The following KDM5C variants were observed in gnomAD, a reference collection of about 807,000 sequenced individuals.
KDM5C encodes the protein lysine-specific demethylase 5C.
A neutral mutation model predicts 110.6 loss-of-function variants in KDM5C; 16 were observed. The ratio of observed to expected loss-of-function variants is 0.14; its 90% confidence interval spans 0.10 to 0.22. The LOEUF (loss-of-function observed/expected upper bound fraction) is 0.22. Ranked by LOEUF, KDM5C falls within the 10% of genes least tolerant of loss-of-function variation. The pLI, the probability that KDM5C is intolerant of heterozygous loss-of-function variation, is 1.00. For missense variants in KDM5C, 681 were observed against 1,300.9 expected, an observed-to-expected ratio of 0.52 and a Z score of 7.33; for synonymous variants, 511 against 520.4, an observed-to-expected ratio of 0.98 and a Z score of 0.24.
chrX:53,207,670 C>A (rs781785536), intron 12 of KDM5C, among the ~76,000 whole-genome samples: 2 of 111,728 alleles, frequency 1.8e-5, no homozygotes, highest in Non-Finnish European at 1.9e-5. Context: ...AAAATAGGCC[C>A]GGGCGCGGTG....
chrX:53,192,835 G>T lies in KDM5C; in HGVS notation c.*132C>A, dbSNP rs781910906. 1.8e-6 allele frequency: 2 copies of T among 1,092,715 alleles called. 1 individual carries two copies. Among genetic ancestry groups the T allele is most frequent in the African/African-American group, 3.8e-5 (2 of 52,396 alleles). 90.1% of individuals were successfully genotyped at this position (1,092,715 alleles called of 1,213,427 possible). ...CAGAATACAAAAGTCAAGGGACTCA[G>T]GGGTGGGCGGGTAGCAGGGATGGCC... On this transcript the variant is annotated 3_prime_UTR_variant, in exon 26 of 26. Transcript: ENST00000375401.
At position 53,220,870 on chromosome X, in the gene KDM5C, G is replaced by A. The variant is rs372636870; in HGVS notation, c.197C>T (p.Thr66Ile). The A allele has an allele frequency of 3.3e-6, 4 of 1,209,053 alleles. No individual in the cohort carries two copies. The African/African-American group carries it at 7.0e-5, about 21-fold the overall frequency. ...CTCATTCAGCCTCTGGATTCGGGGG[G>A]TAAACCTGAAGTTGTCCACTTCCAC... Reference protein sequence around the residue: ...FAVEVDNFRFTPRIQRLNELE... With the variant: ...FAVEVDNFRFIPRIQRLNELE... Residue 66 changes from threonine (T) to isoleucine (I), a missense_variant, in exon 2 of 26, where the codon ACC becomes ATC. By Grantham distance (89) the Thr-to-Ile change is moderately conservative. Transcript: ENST00000375401.
At position 53,201,582 on chromosome X, in the gene KDM5C, C is replaced by G; in HGVS notation, c.2029G>C (p.Glu677Gln). The change falls in exon 14 of 26, where the codon GAG (glutamate) becomes CAG (glutamine). Residue 677 changes from glutamate (E) to glutamine (Q), a missense_variant. Transcript: ENST00000375401. ...HKEMFIMVQE[E>Q]RRLRKALLEK... is the part of the protein sequence containing the mutation. ...AGCAGGGCCTTTCGTAGACGCCGCTCTTCTTGCACCATGATGAACATCTCC... is the reference window on the plus strand; with the variant it reads ...AGCAGGGCCTTTCGTAGACGCCGCTGTTCTTGCACCATGATGAACATCTCC... 1 of 1,212,268 alleles carries G rather than the reference C, an allele frequency of 8.2e-7. No individual in the cohort carries two copies. Among genetic ancestry groups the G allele is most frequent in the East Asian group, 3.0e-5 (1 of 33,865 alleles).
chrX:53,213,826 A>G (rs1362706766), intron 8 of KDM5C, among the ~76,000 whole-genome samples: 2 of 112,828 alleles, frequency 1.8e-5, no homozygotes, highest in Non-Finnish European at 3.7e-5. Context: ...AATATATAAC[A>G]AGATCTCAAA....
At chrX:53,188,090 G>A (rs1934283126), downstream of KDM5C, among the ~76,000 whole-genome samples, 1 of 111,582 alleles carries the variant, frequency 9.0e-6, no homozygotes, top group African/African-American at 3.3e-5. Context: ...ATCTAAAGAT[G>A]GAGAAAAATA....
At chrX:53,197,582 T>C in intron 18 of KDM5C, 189 bp downstream of exon 18, 1 of 461,764 alleles carries the variant, frequency 2.2e-6, no homozygotes, top group Non-Finnish European at 3.9e-6. Context: ...CCTTGCCACC[T>C]GACCCTCAAG....
chrX:53,207,306 T>C (rs947568312), intron 12 of KDM5C, among the ~76,000 whole-genome samples: 8 of 111,449 alleles, frequency 7.2e-5, no homozygotes, highest in African/African-American at 1.6e-4. Context: ...CTATGTGTAA[T>C]TGGCACACAA....
rs60649092 is a variant in KDM5C at position 53,181,675 on chromosome X, C to CAAAAAAAAAAAAAAA, written c.4309-5068_4309-5054dup. 1.3e-4 allele frequency among the ~76,000 whole-genome samples: 7 copies of CAAAAAAAAAAAAAAA among 52,650 alleles called. No homozygotes were observed. In the East Asian group the frequency reaches 2.1e-3, roughly 16 times the overall value. The allele number at this position is 52,650 out of a possible 115,157, so 45.7% of individuals were successfully genotyped here. On this transcript the variant is annotated intron_variant, in intron 25 of 25. Coordinates refer to the KDM5C transcript ENST00000685641. ...TGGGTGACAGAGTGAGACCATGTCT[C>CAAAAAAAAAAAAAAA]AAAAAAAAAAAAAAAAAAAAAAAAG...
rs1372026876 is a variant in KDM5C at position 53,197,760 on chromosome X, A to C, written c.2622+11T>G. On this transcript the variant is annotated intron_variant, in intron 18 of 25. Transcript: ENST00000375401. ...CCCTTGATCCCTCATCAGCACTCCA[A>C]GCGTCCTCACCTTGACATCCCCAAT... 1.7e-6 allele frequency: 2 copies of C among 1,182,571 alleles called. No individual in the cohort carries two copies.
rs782341771 is a variant in KDM5C at position 53,192,883 on chromosome X, C to T, written c.*84G>A. 2.8e-6 allele frequency: 3 copies of T among 1,061,603 alleles called. No homozygotes were observed. The highest frequency in any genetic ancestry group is 3.4e-5 in the Admixed American group (1 of 29,560). 87.5% of individuals were successfully genotyped at this position (1,061,603 alleles called of 1,213,427 possible). A position where few individuals can be genotyped will look rare whatever the true frequency, so the allele number is the denominator to read the frequency against. On this transcript the variant is annotated 3_prime_UTR_variant, in exon 26 of 26. Transcript: ENST00000375401. ...GCCACCCCCCTACCCGCCCACCCCC[C>T]AAGAAGCAGGCTTGATGGTCAGAAA... is the stretch of plus-strand genomic sequence containing the variant.
intron 14 of KDM5C, 30 bp from the exon 15 acceptor site, chrX:53,199,188 T>C: frequency 1.7e-6 from 2 of 1,197,975 alleles, no homozygotes; most frequent in Admixed American, 2.2e-5. Flanking sequence ...GCGTTATATA[T>C]AACCAGAACC....
chrX:53,222,702 T>TA (rs781981708), intron 1 of KDM5C, among the ~76,000 whole-genome samples: 23 of 110,564 alleles, frequency 2.1e-4, no homozygotes, highest in Admixed American at 3.8e-4. Flanking sequence ...GATGTGGTGA[T>TA]AAAAAAAAGG....
At chrX:53,208,964 C>T (rs186925479) in intron 12 of KDM5C, among the ~76,000 whole-genome samples, 1 of 107,515 alleles carries the variant, frequency 9.3e-6, no homozygotes, top group African/African-American at 3.4e-5. Flanking sequence ...TACAGGCGTG[C>T]GCCACCATAC....
chrX:53,195,325 C>A lies in KDM5C; in HGVS notation c.3206G>T (p.Arg1069Ile). 1 of 1,205,842 alleles carries A rather than the reference C, an allele frequency of 8.3e-7. No individual in the cohort carries two copies. Among genetic ancestry groups the A allele is most frequent in the Non-Finnish European group, 1.1e-6 (1 of 892,046 alleles). Reference protein sequence around the residue: ...RDLPVGLEELRQLELQVLTAH... With the variant: ...RDLPVGLEELIQLELQVLTAH... ...TGTCAGTACCTGTAGCTCTAGCTGT[C>A]TCAGCTCCTCCAGCCCCACAGGTAG... Residue 1069 changes from arginine (R) to isoleucine (I), a missense_variant, in exon 21 of 26, where the codon AGA becomes ATA. Physicochemically the swap from Arg to Ile is moderately conservative, Grantham distance 97. Coordinates refer to ENST00000375401, the MANE Select transcript of KDM5C (RefSeq NM_004187.5).
At chrX:53,184,239 C>CT (rs1934154531) in intron 25 of KDM5C, among the ~76,000 whole-genome samples, 2 of 110,952 alleles carry the variant, frequency 1.8e-5, no homozygotes, top group Non-Finnish European at 3.8e-5. Context: ...AGCTGTATGC[C>CT]TTTTTTATTT....
Position 53,193,049 on chromosome X carries a change from G to C in KDM5C, c.4601C>G (p.Ser1534Ter). Residue 1534 changes from serine (S) to a stop codon, truncating the protein, a stop_gained, in exon 26 of 26, where the codon TCA becomes TGA. Transcript: ENST00000375401. LOFTEE classifies it high-confidence loss of function. The part of the protein sequence containing the change: ...NGLEPAEGTT[S>*]GPSAPFSTLT... ...AGTGGAGAAAGGGGCCGAGGGGCCT[G>C]AAGTGGTCCCTTCCGCCGGTTCCAA... 5.0e-6 allele frequency: 6 copies of C among 1,206,528 alleles called. No homozygotes were observed. The highest frequency in any genetic ancestry group is 6.7e-6 in the Non-Finnish European group (6 of 892,836).
rs782808413 is a variant in KDM5C, at chrX:53,193,831, A to G, written c.4059T>C (p.Asn1353=). The part of the protein sequence containing the change: ...DMPKVQGLLE[N]GDSVTSPEKV... Reference sequence around the variant, plus strand: ...TCTCAGGACTGGTCACACTGTCTCCATTCTCCAGTAAGCCCTGGACCTGCG... The same window carrying G: ...TCTCAGGACTGGTCACACTGTCTCCGTTCTCCAGTAAGCCCTGGACCTGCG... Residue 1353 remains asparagine, a synonymous_variant, in exon 24 of 26, where the codon AAT becomes AAC. Transcript: ENST00000375401. 8.3e-7 allele frequency: 1 copy of G among 1,208,851 alleles called. No individual in the cohort carries two copies. Among genetic ancestry groups the G allele is most frequent in the East Asian group, 3.0e-5 (1 of 33,716 alleles).
In KDM5C at chrX:53,178,138, T is replaced by G. The variant is rs1245139447; in HGVS notation, c.4309-1516A>C. On this transcript the variant is annotated intron_variant, in intron 25 of 25. Transcript: ENST00000685641. ...TCCGAAAGTGTTGGGATTATAGGCC[T>G]AAGCCACCATGCCTGGCCAGAAAAG... Among the ~76,000 whole-genome samples the G allele has an allele frequency of 3.6e-5, 4 of 112,513 alleles. No individual in the cohort carries two copies. The Admixed American group carries it at 3.8e-4, about 11-fold the overall frequency.
At chrX:53,179,189 G>A (rs1037705375) in intron 25 of KDM5C, among the ~76,000 whole-genome samples, 13 of 107,638 alleles carry the variant, frequency 1.2e-4, no homozygotes, top group Non-Finnish European at 3.8e-5. Context: ...AGCCAAGATC[G>A]TGCCATTGCA....
Sources: gnomAD v4.1 joint callset for allele counts (sites outside exome capture counted in the v4.1 genomes callset) on GRCh38, gnomAD v4.1.1 for gene constraint, MANE v1.5 for transcripts, NCBI Gene and HGNC (gene_info 2026-07-23, HGNC 2026-07-21) for gene names.